The following GRIK4 variants were observed in gnomAD, a reference collection of about 807,000 sequenced individuals.
GRIK4 encodes glutamate receptor ionotropic, kainate 4.
In GRIK4, 40 loss-of-function variants were observed where a neutral mutation model predicts 104.9. The observed-to-expected ratio is 0.38, with a 90% confidence interval of 0.30 to 0.50. The LOEUF (loss-of-function observed/expected upper bound fraction) is 0.50, where lower values mean the gene tolerates loss of function less well. GRIK4 is among the 20% of genes least tolerant of loss of function. The pLI, the probability that GRIK4 is intolerant of heterozygous loss-of-function variation, is 0.93. For missense variants in GRIK4, 1,047 were observed against 1,308.1 expected, an observed-to-expected ratio of 0.80 and a Z score of 3.08; for synonymous variants, 485 against 524.9, an observed-to-expected ratio of 0.92 and a Z score of 1.04.
At chr11:120,942,207 C>T (rs1378575144) in intron 14 of GRIK4, among the ~76,000 whole-genome samples, 2 of 152,172 alleles carry the variant, frequency 1.3e-5, no homozygotes, top group African/African-American at 4.8e-5. Context: ...AATTTATAGA[C>T]ATGGAAACTG....
chr11:120,960,337 CAAAG>C (rs749042770), intron 16 of GRIK4, among the ~76,000 whole-genome samples: 5 of 152,232 alleles, frequency 3.3e-5, no homozygotes, highest in Admixed American at 6.5e-5. Context: ...CAAAAAAAAA[CAAAG>C]AATGTATCAC....
At chr11:120,911,922 T>TA (rs1239047232) in intron 13 of GRIK4, among the ~76,000 whole-genome samples, 1 of 152,292 alleles carries the variant, frequency 6.6e-6, no homozygotes, top group East Asian at 1.9e-4. Context: ...GATAAGGTTT[T>TA]AAAAAACTAA....
chr11:120,717,822 G>A (rs1292969079), intron 3 of GRIK4, among the ~76,000 whole-genome samples: 4 of 152,132 alleles, frequency 2.6e-5, no homozygotes, highest in Non-Finnish European at 5.9e-5. Context: ...TTGTGGGCAG[G>A]AATGTGCTCT....
intron 1 of GRIK4, among the ~76,000 whole-genome samples, chr11:120,561,397 T>C (rs1948237177): frequency 6.6e-6 from 1 of 152,138 alleles, no homozygotes; most frequent in Non-Finnish European, 1.5e-5. Flanking sequence ...TGCTTTCGCC[T>C]CTCTTCCTGC....
intron 3 of GRIK4, among the ~76,000 whole-genome samples, chr11:120,670,351 C>G (rs1009244051): frequency 6.6e-6 from 1 of 152,248 alleles, no homozygotes; most frequent in African/African-American, 2.4e-5. Context: ...CTCCAGTCCT[C>G]TGCTGACTTC....
chr11:120,882,504 T>C (rs924479655), intron 11 of GRIK4, among the ~76,000 whole-genome samples: 8 of 152,216 alleles, frequency 5.3e-5, no homozygotes, highest in African/African-American at 1.9e-4. Context: ...GGAGTGACTT[T>C]GCCTTTGATG....
chr11:120,962,094 A>G (rs1944296603), intron 17 of GRIK4, among the ~76,000 whole-genome samples: 1 of 152,088 alleles, frequency 6.6e-6, no homozygotes, highest in Non-Finnish European at 1.5e-5. Context: ...ACTGCCCCAA[A>G]TTGAGGGACA....
intron 8 of GRIK4, among the ~76,000 whole-genome samples, chr11:120,851,937 C>T (rs1360853120): frequency 1.3e-5 from 2 of 152,176 alleles, no homozygotes; most frequent in Non-Finnish European, 2.9e-5. Context: ...GGGATCTCTA[C>T]GTGCCTGAGG....
chr11:120,668,146 GATAA>G (rs1351803691), intron 3 of GRIK4, among the ~76,000 whole-genome samples: 4 of 145,460 alleles, frequency 2.7e-5, no homozygotes, highest in Non-Finnish European at 4.6e-5. Context: ...TAGATAGATA[GATAA>G]GTAGGTAGAT....
intron 3 of GRIK4, among the ~76,000 whole-genome samples, chr11:120,764,058 A>G (rs973358950): frequency 3.3e-5 from 5 of 152,150 alleles, no homozygotes; most frequent in African/African-American, 1.2e-4. Context: ...GAAGTCTCCC[A>G]CTATTATTGT....
At chr11:120,770,478 C>T (rs955777827) in intron 3 of GRIK4, among the ~76,000 whole-genome samples, 4 of 152,350 alleles carry the variant, frequency 2.6e-5, no homozygotes, top group African/African-American at 4.8e-5. Flanking sequence ...TGACCTTGCT[C>T]CATCCTTTAT....
At chr11:120,631,797 A>G (rs1172786551) in intron 1 of GRIK4, among the ~76,000 whole-genome samples, 2 of 152,216 alleles carry the variant, frequency 1.3e-5, no homozygotes, top group Non-Finnish European at 2.9e-5. Flanking sequence ...GTCTCAAATT[A>G]CTGTTTACTC....
intron 3 of GRIK4, among the ~76,000 whole-genome samples, chr11:120,717,948 C>T (rs562639973): frequency 1.1e-4 from 16 of 152,118 alleles, no homozygotes; most frequent in Non-Finnish European, 2.2e-4. Context: ...TCCCTGCCCG[C>T]GTCTGTAAGC....
chr11:120,962,933 CTAATT>C (rs1179360075), intron 18 of GRIK4: 3 of 390,608 alleles, frequency 7.7e-6, no homozygotes, highest in Non-Finnish European at 1.4e-5. Context: ...GATTAATTGA[CTAATT>C]TAAAGGGCTA....
chr11:120,856,983 A>G (rs1180609492), intron 8 of GRIK4, among the ~76,000 whole-genome samples: 1 of 152,042 alleles, frequency 6.6e-6, no homozygotes, highest in Non-Finnish European at 1.5e-5. Context: ...GGTCTGCCCA[A>G]CCTTTCCCTT....
At chr11:120,878,346 T>C (rs922544796) in intron 11 of GRIK4, among the ~76,000 whole-genome samples, 3 of 152,178 alleles carry the variant, frequency 2.0e-5, no homozygotes, top group East Asian at 1.9e-4. Context: ...AGCTCCGAGA[T>C]AGATGATTAC....
intron 3 of GRIK4, among the ~76,000 whole-genome samples, chr11:120,719,077 T>C (rs1332054140): frequency 6.6e-6 from 1 of 152,200 alleles, no homozygotes; most frequent in Non-Finnish European, 1.5e-5. Flanking sequence ...AGTTGCATAA[T>C]TGAGTTTTTT....
In GRIK4 at chr11:120,939,982, G is replaced by GAA. The variant is rs879576274; in HGVS notation, c.1477-352_1477-351dup. 3.1e-5 allele frequency among the ~76,000 whole-genome samples: 4 copies of GAA among 131,072 alleles called. No homozygotes were observed. The highest frequency in any genetic ancestry group is 6.6e-5 in the Non-Finnish European group (4 of 60,294). The allele number at this position is 131,072 out of a possible 152,430, so 86.0% of individuals were successfully genotyped here. ...GCGACAGAGGGAGACCCTGTATCCAGAAAAAAAAAAAAAAGTATTGAGAAT... is the reference window on the plus strand; with the variant it reads ...GCGACAGAGGGAGACCCTGTATCCAGAAAAAAAAAAAAAAAAGTATTGAGAAT... On this transcript the variant is annotated intron_variant, in intron 13 of 20. Transcript: ENST00000527524. This position sits in a 1 kb window ranked among gnomAD's most constrained non-coding sequence, Gnocchi z 5.6.
At chr11:120,658,641 T>G (rs1949754231) in intron 2 of GRIK4, among the ~76,000 whole-genome samples, 1 of 151,622 alleles carries the variant, frequency 6.6e-6, no homozygotes, top group Non-Finnish European at 1.5e-5. Context: ...TTGTAAGCCA[T>G]TTGGATATCT....
Sources: gnomAD v4.1 joint callset for allele counts (sites outside exome capture counted in the v4.1 genomes callset) on GRCh38, gnomAD v4.1.1 for gene constraint, Gnocchi (gnomAD v3.1) non-coding constraint, MANE v1.5 for transcripts, NCBI Gene and HGNC (gene_info 2026-07-23, HGNC 2026-07-21) for gene names.